The following TTLL11 variants were observed in gnomAD, a reference collection of about 807,000 sequenced individuals.
TTLL11 encodes the protein tubulin polyglutamylase TTLL11.
A neutral mutation model predicts 51.7 loss-of-function variants in TTLL11; 42 were observed. The ratio of observed to expected loss-of-function variants is 0.81; its 90% CI spans 0.64 to 1.05. The LOEUF is 1.05. Ranked by LOEUF, TTLL11 falls within the 50% of genes least tolerant of loss-of-function variation. TTLL11 has a pLI of 0.00. For missense variants in TTLL11, 799 were observed against 940.4 expected (o/e 0.85, Z 1.97); for synonymous variants, 381 against 383.5 (o/e 0.99, Z 0.08).
At chr9:121,857,659 A>C (rs886674530) in intron 8 of TTLL11, among the ~76,000 whole-genome samples, 6 of 152,196 alleles carry the variant, frequency 3.9e-5, no homozygotes, top group Non-Finnish European at 2.9e-5. Flanking sequence ...GAATTTGCTT[A>C]TCAGTATGTG....
At chr9:121,998,077 G>A (rs1843335375) in intron 3 of TTLL11, among the ~76,000 whole-genome samples, 1 of 152,136 alleles carries the variant, frequency 6.6e-6, no homozygotes, top group Non-Finnish European at 1.5e-5. Flanking sequence ...AGCTAAAATT[G>A]TTTTTCCAAT....
At chr9:122,051,643 T>G (rs1845162674) in intron 1 of TTLL11, among the ~76,000 whole-genome samples, 1 of 152,164 alleles carries the variant, frequency 6.6e-6, no homozygotes, top group Non-Finnish European at 1.5e-5. Context: ...TCTCTCTCTG[T>G]GTCTCTCTCT....
At chr9:121,883,361 T>C (rs916593150) in intron 6 of TTLL11, among the ~76,000 whole-genome samples, 2 of 152,184 alleles carry the variant, frequency 1.3e-5, no homozygotes, top group African/African-American at 4.8e-5. Flanking sequence ...ACATCGTAAG[T>C]ACCAAAGAAA....
chr9:121,971,165 T>TGGG lies in TTLL11; in HGVS notation c.1481+2843_1481+2844insCCC, dbSNP rs1564333814. 3.6e-4 allele frequency among the ~76,000 whole-genome samples: 13 copies of TGGG among 36,082 alleles called. 2 individuals are homozygous for TGGG. Among genetic ancestry groups the TGGG allele is most frequent in the South Asian group, 1.9e-3 (2 of 1,058 alleles). 23.7% of individuals were successfully genotyped at this position (36,082 alleles called of 152,430 possible). On this transcript the variant is annotated intron_variant, in intron 6 of 8. Transcript: ENST00000321582. ...CCAGCCGCCCCGTCCGGGAGGGAGG[T>TGGG]AGGGGGGTCAGCCCCCCGCCCGGCC...
At chr9:121,898,248 C>G (rs1032871635) in intron 6 of TTLL11, among the ~76,000 whole-genome samples, 5 of 152,172 alleles carry the variant, frequency 3.3e-5, no homozygotes, top group Non-Finnish European at 7.3e-5. Flanking sequence ...CTGTCACCAC[C>G]CCCACCCCCA....
chr9:121,999,215 C>T (rs1380816537), intron 3 of TTLL11, among the ~76,000 whole-genome samples: 1 of 152,176 alleles, frequency 6.6e-6, no homozygotes, highest in Non-Finnish European at 1.5e-5. Flanking sequence ...TTTCTTCAAA[C>T]GCTAATCCTG....
chr9:121,855,913 A>G (rs1229196718), intron 8 of TTLL11, among the ~76,000 whole-genome samples: 3 of 152,082 alleles, frequency 2.0e-5, no homozygotes, highest in African/African-American at 7.2e-5. Flanking sequence ...CCTCACAGCA[A>G]CCTTCCTCTG....
At chr9:121,917,237 G>A (rs1280071735) in intron 6 of TTLL11, among the ~76,000 whole-genome samples, 1 of 152,032 alleles carries the variant, frequency 6.6e-6, no homozygotes, top group African/African-American at 2.4e-5. Flanking sequence ...GAGAGGCCGA[G>A]GTAAGAGGAT....
chr9:121,857,834 A>G (rs1448245268), intron 8 of TTLL11, among the ~76,000 whole-genome samples: 1 of 152,184 alleles, frequency 6.6e-6, no homozygotes, highest in African/African-American at 2.4e-5. Flanking sequence ...AACTACTCAG[A>G]ATTAACAATG....
chr9:121,887,917 C>G (rs1839074514), intron 6 of TTLL11, among the ~76,000 whole-genome samples: 1 of 152,084 alleles, frequency 6.6e-6, no homozygotes. Flanking sequence ...CCCAGGCAAC[C>G]CCAACACCCA....
intron 8 of TTLL11, among the ~76,000 whole-genome samples, chr9:121,849,351 A>G (rs929715635): frequency 3.9e-5 from 6 of 152,244 alleles, no homozygotes; most frequent in Admixed American, 3.9e-4. Context: ...TTTGGCTATA[A>G]AATTTTAGAC....
Position 122,002,944 on chromosome 9 carries a change from C to CAAAAAAAAAAAAAAA in TTLL11, c.694-13189_694-13175dup, listed in dbSNP as rs547408355. ...CTGGCAACAGAGTGAGACTCTGTCT[C>CAAAAAAAAAAAAAAA]AAAAAAAAAAAAAAAAAAAAGAGAT... On this transcript the variant is annotated intron_variant, in intron 3 of 8. Coordinates refer to ENST00000321582, the MANE Select transcript of TTLL11 (RefSeq NM_001139442.2). Among the ~76,000 whole-genome samples the CAAAAAAAAAAAAAAA allele has an allele frequency of 1.2e-3, 75 of 61,216 alleles. 3 individuals are homozygous for CAAAAAAAAAAAAAAA. The highest frequency in any genetic ancestry group is 8.5e-3 in the Middle Eastern group (1 of 118). 40.2% of individuals were successfully genotyped at this position (61,216 alleles called of 152,430 possible).
intron 6 of TTLL11, among the ~76,000 whole-genome samples, chr9:121,969,537 C>CT (rs1278065065): frequency 6.6e-6 from 1 of 152,142 alleles, no homozygotes; most frequent in Non-Finnish European, 1.5e-5. Flanking sequence ...GGGGGATCTA[C>CT]TTTTTATCTT....
intron 6 of TTLL11, among the ~76,000 whole-genome samples, chr9:121,905,393 C>T (rs1358407951): frequency 1.3e-5 from 2 of 151,626 alleles, no homozygotes; most frequent in African/African-American, 2.4e-5. Flanking sequence ...GCTTCGTCAC[C>T]CAGGCTGGAG....
chr9:121,993,246 A>G (rs916216355), intron 3 of TTLL11, among the ~76,000 whole-genome samples: 5 of 152,370 alleles, frequency 3.3e-5, no homozygotes, highest in Non-Finnish European at 7.3e-5. Flanking sequence ...GCCACTGTAC[A>G]CTTAACATAC....
chr9:122,025,653 A>T (rs1228453166), intron 3 of TTLL11, among the ~76,000 whole-genome samples: 1 of 152,178 alleles, frequency 6.6e-6, no homozygotes, highest in Non-Finnish European at 1.5e-5. Flanking sequence ...CCATTACCAA[A>T]TTCTGGCAAA....
At position 122,058,279 on chromosome 9, in the gene TTLL11, G is replaced by A. The variant is rs542506868; in HGVS notation, c.463-18911C>T. On this transcript the variant is annotated intron_variant, in intron 1 of 8. Transcript: ENST00000321582. ...GAAACAGATGCTAGAGGAATTAATG[G>A]CATGTAGCTCCATGTGGAGGGAGGA... Among the ~76,000 whole-genome samples, 13 of 152,354 alleles carry A rather than the reference G, an allele frequency of 8.5e-5. No homozygotes were observed. The South Asian group carries it at 2.5e-3, about 29-fold the overall frequency.
chr9:121,965,109 T>C (rs1205765105), intron 6 of TTLL11, among the ~76,000 whole-genome samples: 2 of 152,214 alleles, frequency 1.3e-5, no homozygotes, highest in East Asian at 1.9e-4. Context: ...CAAATATTCA[T>C]TTCTCTGTGA....
intron 6 of TTLL11, among the ~76,000 whole-genome samples, chr9:121,966,123 T>C (rs1175113302): frequency 6.6e-6 from 1 of 152,154 alleles, no homozygotes; most frequent in East Asian, 1.9e-4. Flanking sequence ...CCACAGCTGC[T>C]TGGCAGGCTG....
Sources: gnomAD v4.1 joint callset for allele counts (sites outside exome capture counted in the v4.1 genomes callset) on GRCh38, gnomAD v4.1.1 for gene constraint, MANE v1.5 for transcripts, NCBI Gene and HGNC (gene_info 2026-07-23, HGNC 2026-07-21) for gene names.